The following CACNA1B variants were observed in gnomAD, a reference collection of about 807,000 sequenced individuals.
CACNA1B encodes voltage-dependent N-type calcium channel subunit alpha-1B.
A neutral mutation model predicts 247.2 loss-of-function variants in CACNA1B; 70 were observed. The ratio of observed to expected loss-of-function variants is 0.28; its 90% CI spans 0.23 to 0.35. CACNA1B has a LOEUF of 0.35. Among genes scored for constraint, CACNA1B ranks in the 10% least tolerant of loss-of-function variants. The pLI, the probability that CACNA1B is intolerant of heterozygous loss-of-function variation, is 1.00. For missense variants in CACNA1B, 2,367 were observed against 3,197.4 expected, an observed-to-expected ratio of 0.74 and a Z score of 6.26; for synonymous variants, 1,231 against 1,294.4, an observed-to-expected ratio of 0.95 and a Z score of 1.05.
chr9:138,102,869 G>C lies in CACNA1B; in HGVS notation c.5319+62G>C. On this transcript the variant is annotated intron_variant, in intron 38 of 46. Coordinates refer to ENST00000371372, the MANE Select transcript of CACNA1B (RefSeq NM_000718.4). This position sits in a 1 kb window ranked among gnomAD's most constrained non-coding sequence, Gnocchi z 5.4. Reference sequence around the variant, plus strand: ...TGTGTGTGCTTGCTGAGGGGTGCTTGCTGGCTCTCCCAGCTCCTCTCCCTT... The same window carrying C: ...TGTGTGTGCTTGCTGAGGGGTGCTTCCTGGCTCTCCCAGCTCCTCTCCCTT... The C allele has an allele frequency of 9.7e-7, 1 of 1,033,858 alleles. No individual in the cohort carries two copies. The highest frequency in any genetic ancestry group is 1.5e-6 in the Non-Finnish European group (1 of 680,310). 64.0% of individuals were successfully genotyped at this position (1,033,858 alleles called of 1,614,324 possible).
At chr9:137,982,300 T>C (rs755392701) in intron 12 of CACNA1B, among the ~76,000 whole-genome samples, 2 of 152,172 alleles carry the variant, frequency 1.3e-5, no homozygotes, top group Admixed American at 6.5e-5. Flanking sequence ...GGCTCACTGG[T>C]GTGGCTGCTG....
chr9:137,906,637 G>A (rs1211570983), intron 3 of CACNA1B, among the ~76,000 whole-genome samples: 1 of 151,912 alleles, frequency 6.6e-6, no homozygotes, highest in Admixed American at 6.6e-5. Flanking sequence ...GTATGCCCAT[G>A]TGATGTCTTA....
chr9:138,058,460 C>T lies in CACNA1B; in HGVS notation c.4309-109C>T, dbSNP rs1473566032. ...GGTCTGGGCTGCTTCAATTTGTCTT[C>T]TGTTGTCAGGGCTCCCTGTGAGGCC... is the stretch of plus-strand genomic sequence containing the variant. On this transcript the variant is annotated intron_variant, in intron 28 of 46. Transcript: ENST00000371372. This position sits in a 1 kb window ranked among gnomAD's most constrained non-coding sequence, Gnocchi z 4.7. The T allele has an allele frequency of 1.9e-6, 2 of 1,079,534 alleles. No individual in the cohort carries two copies. The highest frequency in any genetic ancestry group is 2.7e-6 in the Non-Finnish European group (2 of 746,816). 66.9% of individuals were successfully genotyped at this position (1,079,534 alleles called of 1,614,324 possible). A position where few individuals can be genotyped will look rare whatever the true frequency, so the allele number is the denominator to read the frequency against.
At chr9:137,989,810 A>G (rs912514925) in intron 15 of CACNA1B, among the ~76,000 whole-genome samples, 11 of 152,244 alleles carry the variant, frequency 7.2e-5, no homozygotes, top group African/African-American at 2.7e-4. Flanking sequence ...TACATTTAGT[A>G]AAGTGGATGA....
At chr9:138,042,138 T>C (rs1959131612) in intron 20 of CACNA1B, among the ~76,000 whole-genome samples, 2 of 152,222 alleles carry the variant, frequency 1.3e-5, no homozygotes, top group East Asian at 1.9e-4. Context: ...AGTCAGTTTA[T>C]GGTTGTGCAT....
intron 3 of CACNA1B, among the ~76,000 whole-genome samples, chr9:137,904,143 G>A (rs1029581245): frequency 5.3e-5 from 8 of 152,082 alleles, no homozygotes; most frequent in African/African-American, 1.7e-4. Flanking sequence ...GTCGGGAGGG[G>A]CACACAAACC....
chr9:137,968,805 A>C (rs1389032813), intron 10 of CACNA1B, among the ~76,000 whole-genome samples: 2 of 152,238 alleles, frequency 1.3e-5, no homozygotes, highest in East Asian at 3.9e-4. Context: ...GTCAGGCCCT[A>C]TTCTCAGCAG....
rs1037143557 is a variant in CACNA1B, at chr9:137,917,538, C to A, written c.966+107C>A. 2.1e-6 allele frequency: 2 copies of A among 934,036 alleles called. No homozygotes were observed. The highest frequency in any genetic ancestry group is 1.7e-5 in the African/African-American group (1 of 60,184). 57.9% of individuals were successfully genotyped at this position (934,036 alleles called of 1,614,324 possible). On this transcript the variant is annotated intron_variant, in intron 6 of 46. Transcript: ENST00000371372. The surrounding 1 kb of genome is among the most constrained non-coding windows in gnomAD (Gnocchi z 5.5). ...CCCTTCTGACCTCAGAGCCTCTGCC[C>A]AGCCCTAGGCTCCTCCCTGCACCCC...
chr9:138,073,420 G>A lies in CACNA1B; in HGVS notation c.4675-68G>A. 2.3e-6 allele frequency: 2 copies of A among 886,822 alleles called. No homozygotes were observed. The highest frequency in any genetic ancestry group is 4.8e-5 in the East Asian group (2 of 41,336). The allele number at this position is 886,822 out of a possible 1,614,324, so 54.9% of individuals were successfully genotyped here. A position where few individuals can be genotyped will look rare whatever the true frequency, so the allele number is the denominator to read the frequency against. On this transcript the variant is annotated intron_variant, in intron 32 of 46. Transcript: ENST00000371372. The surrounding 1 kb of genome is among the most constrained non-coding windows in gnomAD (Gnocchi z 6.4). ...CACAGGGATGTGGGAAGAGGTTGTA[G>A]GGTGGCAGCAGCTTGCCTGCGCTTT...
At chr9:137,906,740 A>C (rs544732063) in intron 3 of CACNA1B, among the ~76,000 whole-genome samples, 1 of 148,794 alleles carries the variant, frequency 6.7e-6, no homozygotes, top group South Asian at 2.1e-4. Flanking sequence ...TTTAACATAC[A>C]TGTTTCTCTG....
At chr9:137,893,774 G>T (rs1339416916) in intron 3 of CACNA1B, among the ~76,000 whole-genome samples, 1 of 152,158 alleles carries the variant, frequency 6.6e-6, no homozygotes, top group East Asian at 1.9e-4. Context: ...TCTTTACCCA[G>T]TTCCCCCAAA....
At chr9:138,028,009 C>T (rs905859871) in intron 20 of CACNA1B, among the ~76,000 whole-genome samples, 2 of 149,618 alleles carry the variant, frequency 1.3e-5, no homozygotes, top group Admixed American at 6.7e-5. Flanking sequence ...GTCTCATTTC[C>T]ACTCCCCCCC....
intron 36 of CACNA1B, among the ~76,000 whole-genome samples, chr9:138,095,141 C>A (rs11137370): frequency 6.6e-6 from 1 of 152,086 alleles, no homozygotes. Context: ...AATTTTTGTA[C>A]GTCAAAGGAC....
intron 38 of CACNA1B, among the ~76,000 whole-genome samples, chr9:138,105,458 C>G (rs1056763208): frequency 2.0e-4 from 31 of 152,298 alleles, no homozygotes; most frequent in African/African-American, 7.2e-4. Flanking sequence ...CAGTCTTTAC[C>G]TGGAGTTCTA....
Position 138,118,728 on chromosome 9 carries a change from G to A in CACNA1B, c.5990G>A (p.Gly1997Asp). The A allele has an allele frequency of 6.4e-7, 1 of 1,553,266 alleles. No individual in the cohort carries two copies. Among genetic ancestry groups the A allele is most frequent in the Admixed American group, 1.9e-5 (1 of 51,854 alleles). Residue 1997 changes from glycine to aspartate, a missense_variant, in exon 44 of 47, where the codon GGT (glycine) becomes GAT (aspartate). By Grantham distance (94) the Gly-to-Asp change is moderately conservative (BLOSUM62 -1). Transcript: ENST00000371372. ...CCCCAGCCTGGGCTGGAGAGCCAGGGTCGAGCGGCCTCCATGCCCCGCCTT... is the reference window on the plus strand; with the variant it reads ...CCCCAGCCTGGGCTGGAGAGCCAGGATCGAGCGGCCTCCATGCCCCGCCTT... ...GEPQPGLESQ[G>D]RAASMPRLAA...
chr9:137,912,884 A>G (rs551480811), intron 3 of CACNA1B, among the ~76,000 whole-genome samples: 3 of 152,282 alleles, frequency 2.0e-5, no homozygotes, highest in South Asian at 2.1e-4. Context: ...CCAAGTGTCT[A>G]TTCAGAGATG....
intron 20 of CACNA1B, among the ~76,000 whole-genome samples, chr9:138,028,222 C>T (rs1257564997): frequency 5.3e-5 from 8 of 151,774 alleles, no homozygotes; most frequent in South Asian, 2.1e-4. Flanking sequence ...AGGGTTTCGC[C>T]GTGTTGGCCA....
chr9:138,022,258 G>A (rs1958854133), intron 18 of CACNA1B, among the ~76,000 whole-genome samples: 1 of 152,180 alleles, frequency 6.6e-6, no homozygotes, highest in Non-Finnish European at 1.5e-5. Context: ...GGAGGGCATT[G>A]GTGGCCACGG....
chr9:137,931,705 A>G (rs1297022950), intron 6 of CACNA1B, among the ~76,000 whole-genome samples: 1 of 152,054 alleles, frequency 6.6e-6, no homozygotes, highest in Non-Finnish European at 1.5e-5. Context: ...TCTAGTGGAG[A>G]CATGGTAGTT....
Sources: allele counts gnomAD v4.1 joint callset (sites outside exome capture counted in the v4.1 genomes callset), GRCh38; gene constraint gnomAD v4.1.1; non-coding constraint Gnocchi (gnomAD v3.1); transcripts MANE v1.5; gene names NCBI Gene and HGNC (gene_info 2026-07-23, HGNC 2026-07-21).